GNAT1: variants seen among roughly 807,000 people sequenced by gnomAD.
GNAT1 encodes the protein G protein subunit alpha transducin 1, also known as guanine nucleotide-binding protein G(t) subunit alpha-1.
Under a neutral mutation model 40.0 loss-of-function variants are expected in GNAT1, and 36 were observed. That is an observed-to-expected ratio of 0.90 (90% CI 0.69 to 1.19). The LOEUF (loss-of-function observed/expected upper bound fraction) is 1.19. Ranked by LOEUF, GNAT1 falls within the 50% of genes most tolerant of loss-of-function variation. The pLI, the probability that GNAT1 is intolerant of heterozygous loss-of-function variation, is 0.00. For missense variants in GNAT1, 413 were observed against 480.6 expected (o/e 0.86, Z 1.32); for synonymous variants, 195 against 192.9 (o/e 1.01, Z -0.09).
Position 50,194,575 on chromosome 3 carries a change from G to T in GNAT1, c.783G>T (p.Val261=), listed in dbSNP as rs1699473670. The change falls in exon 7 of 9, where the codon GTG becomes GTT. Residue 261 remains valine (V), a synonymous_variant. Coordinates refer to ENST00000232461, the MANE Select transcript of GNAT1 (RefSeq NM_144499.3). This position sits in a 1 kb window ranked among gnomAD's most constrained non-coding sequence, Gnocchi z 6.1. ...NHRYFATTSI[V]LFLNKKDVFF... ...GCTACTTCGCCACGACGTCCATCGTGCTCTTCCTTAACAAGAAGGACGTCT... is the reference window on the plus strand; with the variant it reads ...GCTACTTCGCCACGACGTCCATCGTTCTCTTCCTTAACAAGAAGGACGTCT... 1 of 1,613,570 alleles carries T rather than the reference G, an allele frequency of 6.2e-7. No individual in the cohort carries two copies. Among genetic ancestry groups the T allele is most frequent in the South Asian group, 1.1e-5 (1 of 91,082 alleles).
In GNAT1 at chr3:50,193,046, C is replaced by G; in HGVS notation, c.107-87C>G. 1 of 1,439,904 alleles carries G rather than the reference C, an allele frequency of 6.9e-7. No individual in the cohort carries two copies. Among genetic ancestry groups the G allele is most frequent in the Middle Eastern group, 2.1e-4 (1 of 4,710 alleles). The allele number at this position is 1,439,904 out of a possible 1,614,324, so 89.2% of individuals were successfully genotyped here. A position where few individuals can be genotyped will look rare whatever the true frequency, so the allele number is the denominator to read the frequency against. On this transcript the variant is annotated intron_variant, in intron 1 of 8. Transcript: ENST00000232461. The surrounding 1 kb of genome is among the most constrained non-coding windows in gnomAD (Gnocchi z 8.1). The stretch of plus-strand genomic sequence containing the variant: ...CCTCTTCGCTGCGGGTCCACCCTGC[C>G]AACTCGGGAGGTCCCCGTCCTCCTG...
chr3:50,194,543 A>C lies in GNAT1; in HGVS notation c.751A>C (p.Asn251His). The C allele has an allele frequency of 6.2e-7, 1 of 1,613,668 alleles. No homozygotes were observed. Among genetic ancestry groups the C allele is most frequent in the Non-Finnish European group, 8.5e-7 (1 of 1,179,842 alleles). ...CCTGCACCTGTTCAACAGCATCTGC[A>C]ACCACCGCTACTTCGCCACGACGTC... ...ESLHLFNSIC[N>H]HRYFATTSIV... Residue 251 changes from asparagine to histidine, a missense_variant, in exon 7 of 9, where the codon AAC becomes CAC. Coordinates refer to ENST00000232461, the MANE Select transcript of GNAT1 (RefSeq NM_144499.3). The surrounding 1 kb of genome is among the most constrained non-coding windows in gnomAD (Gnocchi z 6.1).
chr3:50,192,830 G>C, intron 1 of GNAT1: 1 of 553,190 alleles, frequency 1.8e-6, no homozygotes, highest in South Asian at 2.1e-5. Context: ...CAGTCTCACA[G>C]CATAATAAAG....
At position 50,194,471 on chromosome 3, in the gene GNAT1, C is replaced by T; in HGVS notation, c.709-30C>T. The T allele has an allele frequency of 6.2e-7, 1 of 1,610,780 alleles. No individual in the cohort carries two copies. The highest frequency in any genetic ancestry group is 8.5e-7 in the Non-Finnish European group (1 of 1,178,942). On this transcript the variant is annotated intron_variant, in intron 6 of 8. Coordinates refer to ENST00000232461, the MANE Select transcript of GNAT1 (RefSeq NM_144499.3). This position sits in a 1 kb window ranked among gnomAD's most constrained non-coding sequence, Gnocchi z 6.1. ...AGGTGCTGCGGGTCGGACGCTACCC[C>T]GGGTGCCCAACAGCTGCTGCCCTCC...
Position 50,193,501 on chromosome 3 carries a change from C to T in GNAT1, c.292-5C>T. On this transcript the variant is annotated splice_region_variant and splice_polypyrimidine_tract_variant and intron_variant, in intron 3 of 8. Coordinates refer to ENST00000232461, the MANE Select transcript of GNAT1 (RefSeq NM_144499.3). This position sits in a 1 kb window ranked among gnomAD's most constrained non-coding sequence, Gnocchi z 8.1. ...CGCCACCAGCCACTCTCACCCTGCCCCCAGGACGACGCCCGGAAGCTGATG... is the reference window on the plus strand; with the variant it reads ...CGCCACCAGCCACTCTCACCCTGCCTCCAGGACGACGCCCGGAAGCTGATG... 1.2e-6 allele frequency: 2 copies of T among 1,613,282 alleles called. No individual in the cohort carries two copies. Among genetic ancestry groups the T allele is most frequent in the East Asian group, 2.2e-5 (1 of 44,870 alleles).
chr3:50,191,844 G>C lies in GNAT1; in HGVS notation c.106+13G>C. On this transcript the variant is annotated intron_variant, in intron 1 of 8. Coordinates refer to ENST00000232461, the MANE Select transcript of GNAT1 (RefSeq NM_144499.3). ...CTGCTGCTTCTGGGTAGGGGTGTGG[G>C]CCCAGGTGGGGCCACTGCCACCAGG... The C allele has an allele frequency of 6.5e-7, 1 of 1,546,150 alleles. No homozygotes were observed. Among genetic ancestry groups the C allele is most frequent in the Non-Finnish European group, 8.9e-7 (1 of 1,118,674 alleles).
chr3:50,194,374 C>T lies in GNAT1; in HGVS notation c.709-127C>T. On this transcript the variant is annotated intron_variant, in intron 6 of 8. Transcript: ENST00000232461. This position sits in a 1 kb window ranked among gnomAD's most constrained non-coding sequence, Gnocchi z 6.1. ...GCCCGGAGGCGTTCAGCAGGCCCAT[C>T]TGGGGCAGTGCGGGGAGCCCTCTGA... The T allele has an allele frequency of 7.2e-7, 1 of 1,391,144 alleles. No homozygotes were observed. The highest frequency in any genetic ancestry group is 9.9e-7 in the Non-Finnish European group (1 of 1,005,818). The allele number at this position is 1,391,144 out of a possible 1,614,324, so 86.2% of individuals were successfully genotyped here.
In GNAT1 at chr3:50,194,301, C is replaced by A; in HGVS notation, c.708+80C>A. ...CTGGAGGCGGAGACCGCGCGCTGGGCTGGGGGAGGGCACGGGAGGGGATGC... is the reference window on the plus strand; with the variant it reads ...CTGGAGGCGGAGACCGCGCGCTGGGATGGGGGAGGGCACGGGAGGGGATGC... On this transcript the variant is annotated intron_variant, in intron 6 of 8. Transcript: ENST00000232461. This position sits in a 1 kb window ranked among gnomAD's most constrained non-coding sequence, Gnocchi z 6.1. The A allele has an allele frequency of 6.7e-7, 1 of 1,503,502 alleles. No homozygotes were observed. Among genetic ancestry groups the A allele is most frequent in the Non-Finnish European group, 9.0e-7 (1 of 1,107,154 alleles). The allele number at this position is 1,503,502 out of a possible 1,614,324, so 93.1% of individuals were successfully genotyped here.
chr3:50,193,408 T>A lies in GNAT1; in HGVS notation c.291+2T>A. 1.2e-6 allele frequency: 2 copies of A among 1,613,896 alleles called. No individual in the cohort carries two copies. The highest frequency in any genetic ancestry group is 1.7e-6 in the Non-Finnish European group (2 of 1,179,988). Reference sequence around the variant, plus strand: ...CAGTACGGAGACTCTGCACGCCAGGTGTGCCAGGAGGCGGGCTGAGCGGGC... The same window carrying A: ...CAGTACGGAGACTCTGCACGCCAGGAGTGCCAGGAGGCGGGCTGAGCGGGC... On this transcript the variant is annotated splice_donor_variant, in intron 3 of 8. Transcript: ENST00000232461. LOFTEE classifies it high-confidence loss of function. The surrounding 1 kb of genome is among the most constrained non-coding windows in gnomAD (Gnocchi z 8.1).
At chr3:50,195,149 C>T (rs1376314216) in intron 8 of GNAT1, 119 bp from the exon 9 acceptor site, 1 of 579,536 alleles carries the variant, frequency 1.7e-6, no homozygotes, top group Non-Finnish European at 3.0e-6. Context: ...CATTGAATTT[C>T]TTTTGGCCCC....
rs1244609918 is a variant in GNAT1, at chr3:50,193,724, C to T, written c.450-29C>T. The T allele has an allele frequency of 6.2e-7, 1 of 1,600,884 alleles. No homozygotes were observed. Among genetic ancestry groups the T allele is most frequent in the African/African-American group, 1.3e-5 (1 of 74,620 alleles). On this transcript the variant is annotated intron_variant, in intron 4 of 8. Coordinates refer to ENST00000232461, the MANE Select transcript of GNAT1 (RefSeq NM_144499.3). The surrounding 1 kb of genome is among the most constrained non-coding windows in gnomAD (Gnocchi z 8.1). The stretch of plus-strand genomic sequence containing the variant: ...GGCGCAGGGGGCCCTCCACGCCTCC[C>T]CACCCACCTACGGCCGGGTCTCGCG...
At position 50,191,750 on chromosome 3, in the gene GNAT1, G is replaced by A; in HGVS notation, c.25G>A (p.Glu9Lys). The A allele has an allele frequency of 6.2e-7, 1 of 1,613,576 alleles. No individual in the cohort carries two copies. The highest frequency in any genetic ancestry group is 8.5e-7 in the Non-Finnish European group (1 of 1,179,478). MGAGASAE[E>K]KHSRELEKKL... ...CATGGGGGCTGGGGCCAGTGCTGAG[G>A]AGAAGCACTCCAGGGAGCTGGAAAA... The change falls in exon 1 of 9, where the codon GAG becomes AAG. Residue 9 changes from glutamate to lysine, a missense_variant. By Grantham distance (56) the Glu-to-Lys change is moderately conservative. Transcript: ENST00000232461.
At position 50,194,743 on chromosome 3, in the gene GNAT1, G is replaced by T. The variant is rs755539343; in HGVS notation, c.863-22G>T. ...CACGGGGAAGGAAGGGCTGAGCAGA[G>T]TGAGAGCTCCCGCCCCCGCAGGACC... On this transcript the variant is annotated intron_variant, in intron 7 of 8. Coordinates refer to ENST00000232461, the MANE Select transcript of GNAT1 (RefSeq NM_144499.3). This position sits in a 1 kb window ranked among gnomAD's most constrained non-coding sequence, Gnocchi z 6.1. 2.5e-6 allele frequency: 4 copies of T among 1,612,996 alleles called. No homozygotes were observed. The highest frequency in any genetic ancestry group is 3.4e-6 in the Non-Finnish European group (4 of 1,179,646).
At chr3:50,195,170 C>T in intron 8 of GNAT1, 98 bp from the exon 9 acceptor site, 1 of 605,212 alleles carries the variant, frequency 1.7e-6, no homozygotes, top group Non-Finnish European at 2.9e-6. Context: ...GCCCCAAGAC[C>T]TCAGGTGTCA....
rs774871412 is a variant in GNAT1, at chr3:50,194,290, C to A, written c.708+69C>A. ...GCTGCTGGTCCCTGGAGGCGGAGACCGCGCGCTGGGCTGGGGGAGGGCACG... is the reference window on the plus strand; with the variant it reads ...GCTGCTGGTCCCTGGAGGCGGAGACAGCGCGCTGGGCTGGGGGAGGGCACG... On this transcript the variant is annotated intron_variant, in intron 6 of 8. Coordinates refer to ENST00000232461, the MANE Select transcript of GNAT1 (RefSeq NM_144499.3). This position sits in a 1 kb window ranked among gnomAD's most constrained non-coding sequence, Gnocchi z 6.1. The A allele has an allele frequency of 2.9e-5, 44 of 1,530,730 alleles. No homozygotes were observed. Among genetic ancestry groups the A allele is most frequent in the Non-Finnish European group, 3.6e-5 (41 of 1,129,352 alleles). 94.8% of individuals were successfully genotyped at this position (1,530,730 alleles called of 1,614,324 possible). A position where few individuals can be genotyped will look rare whatever the true frequency, so the allele number is the denominator to read the frequency against.
intron 1 of GNAT1, 85 bp downstream of exon 1, chr3:50,191,916 TC>T: frequency 1.1e-6 from 1 of 887,608 alleles, no homozygotes; most frequent in Non-Finnish European, 1.9e-6. Flanking sequence ...AAGCAAGGAT[TC>T]CCTGGGAAGC....
At chr3:50,192,892 C>T (rs1166124104) in intron 1 of GNAT1, 1 of 604,306 alleles carries the variant, frequency 1.7e-6, no homozygotes, top group Non-Finnish European at 2.9e-6. Context: ...CAGTTGAGGT[C>T]GTTGAGTCCC....
Position 50,194,835 on chromosome 3 carries a change from C to G in GNAT1, c.933C>G (p.Asp311Glu), listed in dbSNP as rs1207261147. The change falls in exon 8 of 9, where the codon GAC (aspartate) becomes GAG (glutamate). Residue 311 changes from aspartate (D) to glutamate (E), a missense_variant. By Grantham distance (45) the Asp-to-Glu change is conservative. Coordinates refer to ENST00000232461, the MANE Select transcript of GNAT1 (RefSeq NM_144499.3). The surrounding 1 kb of genome is among the most constrained non-coding windows in gnomAD (Gnocchi z 6.1). ...VQFLELNMRR[D>E]VKEIYSHMTC... Reference sequence around the variant, plus strand: ...TCCTCGAGCTCAACATGCGGCGCGACGTGAAGGAGATCTATTCCCACATGA... The same window carrying G: ...TCCTCGAGCTCAACATGCGGCGCGAGGTGAAGGAGATCTATTCCCACATGA... 5 of 1,613,818 alleles carry G rather than the reference C, an allele frequency of 3.1e-6. No individual in the cohort carries two copies. Among genetic ancestry groups the G allele is most frequent in the Middle Eastern group, 1.6e-4 (1 of 6,084 alleles).
chr3:50,194,252 G>T lies in GNAT1; in HGVS notation c.708+31G>T, dbSNP rs747731137. On this transcript the variant is annotated intron_variant, in intron 6 of 8. Coordinates refer to ENST00000232461, the MANE Select transcript of GNAT1 (RefSeq NM_144499.3). The surrounding 1 kb of genome is among the most constrained non-coding windows in gnomAD (Gnocchi z 6.1). ...TGCCAGGCAGGGCCTGTGTTCCAGG[G>T]GGGCGAGGAGGAGCTGCTGGTCCCT... 9.5e-6 allele frequency: 15 copies of T among 1,582,012 alleles called. No homozygotes were observed. The South Asian group carries it at 1.1e-4, about 12-fold the overall frequency.
Sources: allele counts gnomAD v4.1 joint callset, GRCh38; gene constraint gnomAD v4.1.1; non-coding constraint Gnocchi (gnomAD v3.1); transcripts MANE v1.5; gene names NCBI Gene and HGNC (gene_info 2026-07-23, HGNC 2026-07-21).